The following XG variants were observed in gnomAD, a reference collection of about 807,000 sequenced individuals.
XG encodes the protein Xg glycoprotein (Xg blood group), also known as glycoprotein Xg.
Under a neutral mutation model 25.7 loss-of-function variants are expected in XG, and 24 were observed. The ratio of observed to expected loss-of-function variants is 0.93; its 90% CI spans 0.68 to 1.31. The LOEUF (loss-of-function observed/expected upper bound fraction) is 1.31, where lower values mean the gene tolerates loss of function less well. Ranked by LOEUF, XG falls within the 40% of genes most tolerant of loss-of-function variation. XG has a pLI of 0.00. For synonymous variants in XG, 77 were observed against 69.2 expected, an observed-to-expected ratio of 1.11 and a Z score of -0.56; for missense variants, 181 against 187.6, an observed-to-expected ratio of 0.96 and a Z score of 0.21.
intron 3 of XG, among the ~76,000 whole-genome samples, chrX:2,776,455 T>C (rs759453265): frequency 1.3e-5 from 2 of 152,184 alleles, no homozygotes; most frequent in South Asian, 4.2e-4. Flanking sequence ...CAGTATCTTA[T>C]CAGTTAACTG....
chrX:2,783,906 G>C (rs1056483392), intron 4 of XG, among the ~76,000 whole-genome samples: 1 of 112,050 alleles, frequency 8.9e-6, no homozygotes, highest in African/African-American at 3.2e-5. Flanking sequence ...ATCCAGGAGA[G>C]GAAGGTTACA....
At chrX:2,752,999 G>A (rs1439435591) in intron 1 of XG, 1 of 985,002 alleles carries the variant, frequency 1.0e-6, no homozygotes, top group East Asian at 1.1e-4. Flanking sequence ...AACAACGGTT[G>A]AGTAAGTTTC....
At chrX:2,796,098 T>G (rs1378746528) in intron 6 of XG, among the ~76,000 whole-genome samples, 1 of 107,851 alleles carries the variant, frequency 9.3e-6, no homozygotes, top group Non-Finnish European at 1.9e-5. Context: ...CCTTTATTTA[T>G]ATATCTTTAT....
intron 1 of XG, among the ~76,000 whole-genome samples, chrX:2,755,546 C>T (rs1410089326): frequency 6.6e-6 from 1 of 152,082 alleles, no homozygotes. Context: ...TCCTGTGACT[C>T]AGAATGCCTT....
chrX:2,781,391 C>T (rs1268043767), intron 3 of XG, among the ~76,000 whole-genome samples: 2 of 151,270 alleles, frequency 1.3e-5, no homozygotes, highest in Non-Finnish European at 2.9e-5. Flanking sequence ...CACCCCGGCA[C>T]CTGGACCCAT....
intron 3 of XG, among the ~76,000 whole-genome samples, chrX:2,775,175 A>T (rs2050949794): frequency 6.6e-6 from 1 of 152,250 alleles, no homozygotes; most frequent in East Asian, 1.9e-4. Context: ...ATGTGTACAC[A>T]AATGTTCAGA....
Position 2,808,174 on chromosome X carries a change from T to C in XG, c.419-11T>C. ...TGCTGAATAAACACGAACATCCTTTTCCGCTTACAGGTGGAGATCACCATT... is the reference window on the plus strand; with the variant it reads ...TGCTGAATAAACACGAACATCCTTTCCCGCTTACAGGTGGAGATCACCATT... On this transcript the variant is annotated splice_polypyrimidine_tract_variant and intron_variant, in intron 8 of 10. Coordinates refer to ENST00000644266, the MANE Select transcript of XG (RefSeq NM_001141919.2). The C allele has an allele frequency of 8.3e-7, 1 of 1,210,774 alleles. No individual in the cohort carries two copies. The highest frequency in any genetic ancestry group is 1.1e-6 in the Non-Finnish European group (1 of 895,149).
At chrX:2,766,185 G>C (rs1330067550) in intron 1 of XG, among the ~76,000 whole-genome samples, 1 of 152,078 alleles carries the variant, frequency 6.6e-6, no homozygotes, top group Non-Finnish European at 1.5e-5. Flanking sequence ...TCTGTTGCCA[G>C]GCTGGAGTGC....
rs374188274 is a variant in XG at position 2,814,432 on chromosome X, G to A, written c.*52G>A. On this transcript the variant is annotated 3_prime_UTR_variant, in exon 11 of 11. Coordinates refer to ENST00000644266, the MANE Select transcript of XG (RefSeq NM_001141919.2). The stretch of plus-strand genomic sequence containing the variant: ...GAGAAAAACAACTAAAACAAGAACC[G>A]TGTTTATCACTGTTGTGGAGATTTC... 6.0e-6 allele frequency: 7 copies of A among 1,165,589 alleles called. No individual in the cohort carries two copies. Among genetic ancestry groups the A allele is most frequent in the Non-Finnish European group, 8.1e-6 (7 of 865,265 alleles).
chrX:2,753,791 C>G (rs1244094900), intron 1 of XG, among the ~76,000 whole-genome samples: 1 of 152,100 alleles, frequency 6.6e-6, no homozygotes, highest in Non-Finnish European at 1.5e-5. Flanking sequence ...CCATGTTGGC[C>G]AGGCTGGTCT....
intron 1 of XG, among the ~76,000 whole-genome samples, chrX:2,768,759 C>T (rs935469163): frequency 7.9e-5 from 12 of 151,984 alleles, no homozygotes; most frequent in Admixed American, 2.0e-4. Context: ...CAGAGAGAGA[C>T]GCCATCTAAA....
chrX:2,768,301 T>C (rs2050742802), intron 1 of XG, among the ~76,000 whole-genome samples: 1 of 152,136 alleles, frequency 6.6e-6, no homozygotes. Context: ...CAGATTGGAA[T>C]GTAAATTCTC....
At position 2,804,854 on chromosome X, in the gene XG, G is replaced by A. The variant is rs758262412; in HGVS notation, c.374-1847G>A. ...GGGCAAAACTGCCAGAAAATAGCAG[G>A]TAGCCCTGTGGTCCTTGGCAGGGCC... On this transcript the variant is annotated intron_variant, in intron 7 of 10. Coordinates refer to ENST00000644266, the MANE Select transcript of XG (RefSeq NM_001141919.2). 2.6e-3 allele frequency among the ~76,000 whole-genome samples: 284 copies of A among 111,194 alleles called. 1 individual carries two copies. Among genetic ancestry groups the A allele is most frequent in the Admixed American group, 7.2e-3 (74 of 10,265 alleles).
intron 7 of XG, among the ~76,000 whole-genome samples, chrX:2,801,744 T>C (rs1412891090): frequency 1.8e-5 from 2 of 111,076 alleles, no homozygotes; most frequent in African/African-American, 3.3e-5. Flanking sequence ...AGTCTCGCTC[T>C]GTCGCCCAGG....
chrX:2,806,671 G>A, intron 7 of XG, 30 bp from the exon 8 acceptor site: 2 of 1,126,798 alleles, frequency 1.8e-6, no homozygotes, highest in Non-Finnish European at 2.4e-6. Context: ...GCAATATCTA[G>A]CATTTCATGG....
At chrX:2,797,384 A>T in intron 7 of XG, 24 bp downstream of exon 7, 4 of 1,182,098 alleles carry the variant, frequency 3.4e-6, no homozygotes, top group Non-Finnish European at 4.6e-6. Flanking sequence ...TGGGCATGCG[A>T]TGGTGGGTGG....
At chrX:2,780,695 G>A (rs1300294975) in intron 3 of XG, among the ~76,000 whole-genome samples, 3 of 150,504 alleles carry the variant, frequency 2.0e-5, no homozygotes, top group African/African-American at 4.9e-5. Flanking sequence ...TCCAGCTTGG[G>A]CGACAGACCA....
At chrX:2,792,426 C>T (rs2086845407) in intron 5 of XG, among the ~76,000 whole-genome samples, 1 of 111,368 alleles carries the variant, frequency 9.0e-6, no homozygotes, top group African/African-American at 3.3e-5. Flanking sequence ...CCTCCACCTC[C>T]TGGGCTCAAG....
Position 2,795,518 on chromosome X carries a change from T to G in XG, c.322+915T>G, listed in dbSNP as rs370281745. 2.1e-4 allele frequency among the ~76,000 whole-genome samples: 23 copies of G among 108,855 alleles called. 1 individual carries two copies. The South Asian group carries it at 3.8e-3, about 18-fold the overall frequency. The allele number at this position is 108,855 out of a possible 115,157, so 94.5% of individuals were successfully genotyped here. A position where few individuals can be genotyped will look rare whatever the true frequency, so the allele number is the denominator to read the frequency against. On this transcript the variant is annotated intron_variant, in intron 6 of 10. Transcript: ENST00000644266. ...ATCTTTATATGTGTGTATAAATGCC[T>G]TTATATACGTACACATATACCTTTA... is the stretch of plus-strand genomic sequence containing the variant.
Sources: gnomAD v4.1 joint callset for allele counts (sites outside exome capture counted in the v4.1 genomes callset) on GRCh38, gnomAD v4.1.1 for gene constraint, MANE v1.5 for transcripts, NCBI Gene and HGNC (gene_info 2026-07-23, HGNC 2026-07-21) for gene names.